Variants in RALGAPB observed in about 807,000 individuals in gnomAD.
RALGAPB encodes the protein Ral GTPase activating protein non-catalytic subunit beta.
A neutral mutation model predicts 161.1 loss-of-function variants in RALGAPB; 25 were observed. The ratio of observed to expected loss-of-function variants is 0.16; its 90% CI spans 0.11 to 0.22. The LOEUF (loss-of-function observed/expected upper bound fraction) is 0.22, where lower values mean the gene tolerates loss of function less well. Among genes scored for constraint, RALGAPB ranks in the 10% least tolerant of loss-of-function variants. The probability of loss-of-function intolerance (pLI) is 1.00; values close to 1 mark genes in which losing one functional copy is unlikely to be tolerated. For synonymous variants in RALGAPB, 629 were observed against 626.1 expected (o/e 1.00, Z -0.07); for missense variants, 1,391 against 1,815.2 (o/e 0.77, Z 4.25).
At chr20:38,535,343 C>T (rs1188606872) in intron 16 of RALGAPB, 136 bp downstream of exon 16, 1 of 1,097,830 alleles carries the variant, frequency 9.1e-7, no homozygotes, top group Non-Finnish European at 1.3e-6. Flanking sequence ...CCAAAGTGTA[C>T]AAAATTTAGC....
intron 13 of RALGAPB, among the ~76,000 whole-genome samples, chr20:38,527,660 A>C (rs984919756): frequency 3.9e-5 from 6 of 152,214 alleles, no homozygotes; most frequent in African/African-American, 1.4e-4. Context: ...TTCTGAACAC[A>C]GAGGGTGGTT....
intron 15 of RALGAPB, 66 bp from the exon 16 acceptor site, chr20:38,535,008 C>A: frequency 6.5e-7 from 1 of 1,546,480 alleles, no homozygotes; most frequent in Non-Finnish European, 8.9e-7. Context: ...GGATGCTGTG[C>A]TTCTCGTTAC....
chr20:38,548,647 G>A lies in RALGAPB; in HGVS notation c.2903-42G>A, dbSNP rs781736555. ...GATAACAAGTTTATTTTAAATGGTTGTTGTCTGAAATTAAAACTTTTATAT... is the reference window on the plus strand; with the variant it reads ...GATAACAAGTTTATTTTAAATGGTTATTGTCTGAAATTAAAACTTTTATAT... On this transcript the variant is annotated intron_variant, in intron 19 of 29. Transcript: ENST00000262879. 1.2e-5 allele frequency: 18 copies of A among 1,453,084 alleles called. No individual in the cohort carries two copies. In the Admixed American group the frequency reaches 3.1e-4, roughly 25 times the overall value. 90.0% of individuals were successfully genotyped at this position (1,453,084 alleles called of 1,614,324 possible).
chr20:38,513,087 G>A (rs1313218333), intron 6 of RALGAPB, among the ~76,000 whole-genome samples: 1 of 151,960 alleles, frequency 6.6e-6, no homozygotes, highest in Non-Finnish European at 1.5e-5. Context: ...AAAAATATAG[G>A]CCAGGCACGG....
At chr20:38,497,214 C>T (rs1303577) in intron 3 of RALGAPB, 139 bp from the exon 4 acceptor site, 511,739 of 690,764 alleles carry the variant, frequency 0.74, 198,226 homozygotes, top group East Asian at 0.9. Flanking sequence ...AAACTGAAGA[C>T]GGTATGCCTA....
rs201367890 is a variant in RALGAPB at position 38,488,466 on chromosome 20, A to G, written c.34A>G (p.Ile12Val). ...TGAGTGGAGGTCACTGCATTTGGTG[A>G]TTCAGAATGATCAAGGCCATACCAG... is the stretch of plus-strand genomic sequence containing the variant. ...YSEWRSLHLVIQNDQGHTSVL... is the reference protein window; with the variant it reads ...YSEWRSLHLVVQNDQGHTSVL... The change falls in exon 2 of 30, where the codon ATT becomes GTT. Residue 12 changes from isoleucine (I) to valine (V), a missense_variant. Coordinates refer to ENST00000262879, the MANE Select transcript of RALGAPB (RefSeq NM_020336.4). The G allele has an allele frequency of 1.2e-6, 2 of 1,614,118 alleles. No individual in the cohort carries two copies. The highest frequency in any genetic ancestry group is 4.5e-5 in the East Asian group (2 of 44,884).
intron 2 of RALGAPB, among the ~76,000 whole-genome samples, chr20:38,490,730 G>A (rs764315869): frequency 1.1e-4 from 16 of 151,448 alleles, no homozygotes; most frequent in African/African-American, 2.4e-5. Context: ...GGCTGGTCTC[G>A]AACTCCTGAC....
intron 18 of RALGAPB, among the ~76,000 whole-genome samples, chr20:38,545,331 T>G (rs899249631): frequency 1.3e-5 from 2 of 152,216 alleles, no homozygotes; most frequent in African/African-American, 4.8e-5. Flanking sequence ...GGATATTATG[T>G]GAATTGTTGT....
At position 38,526,005 on chromosome 20, in the gene RALGAPB, A is replaced by G; in HGVS notation, c.2013A>G (p.Gln671=). The G allele has an allele frequency of 6.2e-7, 1 of 1,613,934 alleles. No individual in the cohort carries two copies. ...TGAATATATTAATAGGTGCCTTGCA[A>G]ACTGAAACGGACCCCAACAACACCC... ...RLVNILIGAL[Q]TETDPNNTQM... is the part of the protein sequence containing the mutation. The change falls in exon 13 of 30, where the codon CAA becomes CAG. Residue 671 remains glutamine (Q), a synonymous_variant. Coordinates refer to ENST00000262879, the MANE Select transcript of RALGAPB (RefSeq NM_020336.4).
chr20:38,479,782 G>T (rs1397808515), intron 1 of RALGAPB, among the ~76,000 whole-genome samples: 1 of 152,098 alleles, frequency 6.6e-6, no homozygotes, highest in African/African-American at 2.4e-5. Context: ...TAACTTGACA[G>T]TTATATCATT....
chr20:38,549,740 C>A (rs2087308711), intron 20 of RALGAPB, among the ~76,000 whole-genome samples: 1 of 151,990 alleles, frequency 6.6e-6, no homozygotes, highest in African/African-American at 2.4e-5. Flanking sequence ...TACTCACTAT[C>A]CAGAGGAATA....
intron 18 of RALGAPB, among the ~76,000 whole-genome samples, chr20:38,545,171 C>G (rs969155863): frequency 1.3e-5 from 2 of 152,098 alleles, no homozygotes; most frequent in African/African-American, 4.8e-5. Context: ...CAGATAGACT[C>G]GCAAAGCACA....
At chr20:38,574,532 G>C (rs1439775696) in intron 29 of RALGAPB, among the ~76,000 whole-genome samples, 1 of 152,160 alleles carries the variant, frequency 6.6e-6, no homozygotes, top group Admixed American at 6.5e-5. Context: ...GAAGATAGCT[G>C]TTTGTAATCC....
At chr20:38,574,712 T>TA (rs2088371388) in intron 29 of RALGAPB, 62 bp from the exon 30 acceptor site, 6 of 1,482,290 alleles carry the variant, frequency 4.0e-6, no homozygotes, top group Non-Finnish European at 5.6e-6. Flanking sequence ...CCTGAATACT[T>TA]ACAGTTCACC....
intron 25 of RALGAPB, among the ~76,000 whole-genome samples, chr20:38,566,249 C>T (rs753825141): frequency 2.4e-4 from 37 of 152,148 alleles, no homozygotes; most frequent in Non-Finnish European, 4.6e-4. Flanking sequence ...CTGTCTTACT[C>T]TCTGGGGCCG....
At chr20:38,557,376 G>A (rs917063954) in intron 22 of RALGAPB, among the ~76,000 whole-genome samples, 3 of 152,048 alleles carry the variant, frequency 2.0e-5, no homozygotes, top group Non-Finnish European at 2.9e-5. Flanking sequence ...CACCGAAGTC[G>A]GTGATTTACA....
intron 1 of RALGAPB, among the ~76,000 whole-genome samples, chr20:38,481,592 G>A (rs1247996774): frequency 6.6e-6 from 1 of 152,184 alleles, no homozygotes; most frequent in African/African-American, 2.4e-5. Context: ...CTCCCACAGG[G>A]TTCCTCCCAT....
At chr20:38,509,274 G>T in intron 6 of RALGAPB, 66 bp downstream of exon 6, 2 of 1,517,382 alleles carry the variant, frequency 1.3e-6, no homozygotes, top group South Asian at 1.2e-5. Context: ...GAATCATGCT[G>T]TAAGTCTCTT....
intron 1 of RALGAPB, among the ~76,000 whole-genome samples, chr20:38,473,315 A>G (rs2084705488): frequency 6.6e-6 from 1 of 152,152 alleles, no homozygotes; most frequent in African/African-American, 2.4e-5. Flanking sequence ...TACCCCGGCC[A>G]GGCGAAGCTC....
Sources: gnomAD v4.1 joint callset for allele counts (sites outside exome capture counted in the v4.1 genomes callset) on GRCh38, gnomAD v4.1.1 for gene constraint, MANE v1.5 for transcripts, NCBI Gene and HGNC (gene_info 2026-07-23, HGNC 2026-07-21) for gene names.